The following ZP3 variants were observed in gnomAD, a reference collection of about 807,000 sequenced individuals.
ZP3 encodes zona pellucida sperm-binding protein 3.
Under a neutral mutation model 35.6 loss-of-function variants are expected in ZP3, and 21 were observed. The ratio of observed to expected loss-of-function variants is 0.59; its 90% CI spans 0.42 to 0.85. The LOEUF (loss-of-function observed/expected upper bound fraction) is 0.85. ZP3 is among the 40% of genes least tolerant of loss of function. ZP3 has a pLI of 0.00. For missense variants in ZP3, 437 were observed against 536.5 expected, an observed-to-expected ratio of 0.81 and a Z score of 1.83; for synonymous variants, 207 against 214.5, an observed-to-expected ratio of 0.96 and a Z score of 0.31.
upstream of ZP3, among the ~76,000 whole-genome samples, chr7:76,423,077 A>AAGAAAGAG (rs1563695629): frequency 7.0e-6 from 1 of 143,878 alleles, no homozygotes; most frequent in Non-Finnish European, 1.5e-5. Flanking sequence ...GAAAGAAAGA[A>AAGAAAGAG]AGAAAGAAAA....
chr7:76,431,177 G>A (rs762516785), intron 2 of ZP3, among the ~76,000 whole-genome samples: 3 of 152,186 alleles, frequency 2.0e-5, no homozygotes, highest in African/African-American at 4.8e-5. Flanking sequence ...AGGCTGACTC[G>A]CAGGAGCTAA....
chr7:76,397,786 G>A lies in ZP3; in HGVS notation c.-78G>A, dbSNP rs1178490337. 7 of 1,607,260 alleles carry A rather than the reference G, an allele frequency of 4.4e-6. No individual in the cohort carries two copies. The Admixed American group carries it at 8.4e-5, about 19-fold the overall frequency. ...GGCCACTGTGCAGGATCTCCACTCG[G>A]CCCTGACACAGGTTCGCGCCCCCTA... On this transcript the variant is annotated 5_prime_UTR_variant, in exon 1 of 9. Coordinates refer to the ZP3 transcript ENST00000336517.
At chr7:76,440,091 C>T in intron 5 of ZP3, 159 bp from the exon 6 acceptor site, 4 of 1,386,216 alleles carry the variant, frequency 2.9e-6, no homozygotes, top group African/African-American at 1.4e-5. Flanking sequence ...AGGTGATCTA[C>T]CCGCCTTGGG....
In ZP3 at chr7:76,433,693, C is replaced by T. The variant is rs771671265; in HGVS notation, c.713+46C>T. Reference sequence around the variant, plus strand: ...CTAGAGAACCTTCCTAGCAAAATGACCCTAAAGCCACCTGTTTGGCTTTTT... The same window carrying T: ...CTAGAGAACCTTCCTAGCAAAATGATCCTAAAGCCACCTGTTTGGCTTTTT... On this transcript the variant is annotated intron_variant, in intron 4 of 7. Transcript: ENST00000394857. 3.9e-6 allele frequency: 6 copies of T among 1,546,442 alleles called. No individual in the cohort carries two copies. In the African/African-American group the frequency reaches 8.2e-5, roughly 21 times the overall value.
chr7:76,435,243 C>A (rs1215014401), intron 5 of ZP3, among the ~76,000 whole-genome samples: 1 of 152,264 alleles, frequency 6.6e-6, no homozygotes, highest in Non-Finnish European at 1.5e-5. Context: ...ACTCCAGGTT[C>A]CCAGGTGCAA....
rs1012059775 is a variant in ZP3, at chr7:76,433,543, C to T, written c.609C>T (p.His203=). 3.7e-6 allele frequency: 6 copies of T among 1,614,196 alleles called. No homozygotes were observed. Among genetic ancestry groups the T allele is most frequent in the Non-Finnish European group, 5.1e-6 (6 of 1,180,042 alleles). Residue 203 remains histidine (H), a synonymous_variant, in exon 4 of 8, where the codon CAC becomes CAT. Transcript: ENST00000394857. The part of the protein sequence containing the change: ...GDAAHLQAEI[H]TGSHVPLRLF... ...CAGCCCACCTCCAGGCAGAAATCCA[C>T]ACTGGCAGCCACGTGCCACTGCGGT...
At chr7:76,435,702 T>C (rs1403272818) in intron 5 of ZP3, among the ~76,000 whole-genome samples, 4 of 151,998 alleles carry the variant, frequency 2.6e-5, no homozygotes, top group Non-Finnish European at 5.9e-5. Flanking sequence ...TGAACTTCAG[T>C]GTGCACACCA....
intron 3 of ZP3, 34 bp from the exon 4 acceptor site, chr7:76,433,436 T>C (rs751941134): frequency 4.4e-6 from 7 of 1,589,806 alleles, no homozygotes; most frequent in Non-Finnish European, 6.0e-6. Context: ...ATTACAGGCA[T>C]GAGCCACCAT....
chr7:76,407,656 C>T (rs559698700), intron 1 of ZP3, among the ~76,000 whole-genome samples: 13 of 152,034 alleles, frequency 8.6e-5, no homozygotes, highest in Non-Finnish European at 1.9e-4. Flanking sequence ...TCACTTGAGC[C>T]CAGGAGTTCA....
chr7:76,416,881 C>CATATAT (rs200829945), intron 1 of ZP3, among the ~76,000 whole-genome samples: 7 of 134,966 alleles, frequency 5.2e-5, no homozygotes, highest in African/African-American at 2.1e-4. Context: ...TATATACACA[C>CATATAT]ATACATATAT....
chr7:76,410,265 A>T (rs1209049510), intron 1 of ZP3, among the ~76,000 whole-genome samples: 1 of 151,984 alleles, frequency 6.6e-6, no homozygotes. Context: ...TCCTGACCTC[A>T]AGGGATCCGC....
upstream of ZP3, chr7:76,424,774 G>A: frequency 1.8e-6 from 1 of 561,180 alleles, no homozygotes; most frequent in Non-Finnish European, 3.1e-6. Context: ...TGGGGTGAAG[G>A]CTGAGAGTTT....
At chr7:76,421,043 C>A (rs1365692906), upstream of ZP3, among the ~76,000 whole-genome samples, 2 of 151,798 alleles carry the variant, frequency 1.3e-5, no homozygotes, top group Non-Finnish European at 2.9e-5. Context: ...TCAAGTGATT[C>A]TCTTGCCTCA....
At chr7:76,411,537 C>A (rs1805243369) in intron 1 of ZP3, among the ~76,000 whole-genome samples, 1 of 151,848 alleles carries the variant, frequency 6.6e-6, no homozygotes, top group African/African-American at 2.4e-5. Flanking sequence ...CCACTGCACT[C>A]CAGCCTGGGT....
chr7:76,424,744 A>C (rs963993277), upstream of ZP3, among the ~76,000 whole-genome samples: 3 of 152,204 alleles, frequency 2.0e-5, no homozygotes, highest in African/African-American at 7.2e-5. Flanking sequence ...GCTAAAAACC[A>C]AATTCTGCTG....
intron 2 of ZP3, among the ~76,000 whole-genome samples, chr7:76,430,076 G>T (rs1484638151): frequency 6.6e-6 from 1 of 151,926 alleles, no homozygotes; most frequent in Non-Finnish European, 1.5e-5. Flanking sequence ...ACAGAAATTA[G>T]CCGGGTGTCT....
rs202083521 is a variant in ZP3, at chr7:76,425,202, C to A, written c.238C>A (p.Pro80Thr). The A allele has an allele frequency of 6.2e-7, 1 of 1,613,972 alleles. No homozygotes were observed. The highest frequency in any genetic ancestry group is 8.5e-7 in the Non-Finnish European group (1 of 1,180,024). Residue 80 changes from proline (P) to threonine (T), a missense_variant, in exon 1 of 8, where the codon CCT (proline) becomes ACT (threonine). Physicochemically the swap from Pro to Thr is conservative, Grantham distance 38. Transcript: ENST00000394857. ...DLTLGPEACE[P>T]LVSMDTEDVV... ...CACCTTGGGCCCAGAGGCCTGTGAG[C>A]CTCTGGTCTCCATGGACACAGAAGA...
intron 1 of ZP3, among the ~76,000 whole-genome samples, chr7:76,427,193 G>A (rs1042465223): frequency 6.6e-6 from 1 of 152,110 alleles, no homozygotes; most frequent in Non-Finnish European, 1.5e-5. Flanking sequence ...TTCCTCTGGT[G>A]TGGTGTTTCC....
At chr7:76,429,302 G>C in intron 1 of ZP3, 1 of 545,724 alleles carries the variant, frequency 1.8e-6, no homozygotes, top group Non-Finnish European at 3.3e-6. Flanking sequence ...ATGGGGTCTT[G>C]CTATGTTTCC....
Sources: gnomAD v4.1 joint callset for allele counts (sites outside exome capture counted in the v4.1 genomes callset) on GRCh38, gnomAD v4.1.1 for gene constraint, MANE v1.5 for transcripts, NCBI Gene and HGNC (gene_info 2026-07-23, HGNC 2026-07-21) for gene names.